The following FRMD5 variants were observed in gnomAD, a reference collection of about 807,000 sequenced individuals.
FRMD5 encodes FERM domain containing 5, also known as FERM domain-containing protein 5.
Under a neutral mutation model 69.0 loss-of-function variants are expected in FRMD5, and 20 were observed. That is an observed-to-expected ratio of 0.29 (90% CI 0.20 to 0.42). The LOEUF (loss-of-function observed/expected upper bound fraction) is 0.42. FRMD5 is among the 10% of genes least tolerant of loss of function. The pLI, the probability that FRMD5 is intolerant of heterozygous loss-of-function variation, is 1.00. For synonymous variants in FRMD5, 271 were observed against 260.1 expected, an observed-to-expected ratio of 1.04 and a Z score of -0.40; for missense variants, 595 against 708.6, an observed-to-expected ratio of 0.84 and a Z score of 1.82.
In FRMD5 at chr15:43,874,580, GC is replaced by G; in HGVS notation, c.1136-119del. On this transcript the variant is annotated intron_variant, in intron 13 of 13. Coordinates refer to ENST00000417257, the MANE Select transcript of FRMD5 (RefSeq NM_032892.5). ...CACACCCACATGACCAGCAGCAGTAGCCACTGCACTCTATTTTGATATATCG... is the reference window on the plus strand; with the variant it reads ...CACACCCACATGACCAGCAGCAGTAGCACTGCACTCTATTTTGATATATCG... 3 of 704,786 alleles carry G rather than the reference GC, an allele frequency of 4.3e-6. No homozygotes were observed. The South Asian group carries it at 5.0e-5, about 12-fold the overall frequency. 43.7% of individuals were successfully genotyped at this position (704,786 alleles called of 1,614,324 possible).
chr15:44,052,597 C>T (rs1028308965), intron 1 of FRMD5, among the ~76,000 whole-genome samples: 4 of 152,090 alleles, frequency 2.6e-5, no homozygotes, highest in African/African-American at 7.2e-5. Flanking sequence ...TGAGATAGTG[C>T]CTAGGAACAA....
rs570074822 is a variant in FRMD5, at chr15:43,939,016, C to A, written c.103-14707G>T. 5.7e-4 allele frequency among the ~76,000 whole-genome samples: 86 copies of A among 151,988 alleles called. 1 individual carries two copies. In the Middle Eastern group the frequency reaches 0.01, roughly 18 times the overall value. On this transcript the variant is annotated intron_variant, in intron 1 of 13. Transcript: ENST00000417257. ...AGCTGGGATTACAAGCATGCACCAC[C>A]ACATCCGGCTAATTTTTTTTTTTTT...
rs1171813241 is a variant in FRMD5, at chr15:44,175,749, T to C, written c.102+19204A>G. ...GGGTTAATAGATGAACAAATTGTGA[T>C]ACATCCATAAAATAGAATAGTACTC... On this transcript the variant is annotated intron_variant, in intron 1 of 13. Transcript: ENST00000417257. Among the ~76,000 whole-genome samples, 4 of 152,228 alleles carry C rather than the reference T, an allele frequency of 2.6e-5. No individual in the cohort carries two copies. The South Asian group carries it at 8.3e-4, about 32-fold the overall frequency.
intron 1 of FRMD5, among the ~76,000 whole-genome samples, chr15:44,160,896 C>A (rs1214012538): frequency 1.3e-5 from 2 of 152,108 alleles, no homozygotes; most frequent in East Asian, 3.8e-4. Flanking sequence ...CTTACTAGCC[C>A]TTTCATAAGA....
chr15:44,195,213 C>T lies in FRMD5; in HGVS notation c.-159G>A. Reference sequence around the variant, plus strand: ...TGCTGGCCTCGTTCCTCCTCCTTATCCTCCTCCTTCCCTCAGCCGCCACCG... The same window carrying T: ...TGCTGGCCTCGTTCCTCCTCCTTATTCTCCTCCTTCCCTCAGCCGCCACCG... On this transcript the variant is annotated 5_prime_UTR_variant, in exon 1 of 14. Coordinates refer to ENST00000417257, the MANE Select transcript of FRMD5 (RefSeq NM_032892.5). 1 of 561,322 alleles carries T rather than the reference C, an allele frequency of 1.8e-6. No homozygotes were observed. Among genetic ancestry groups the T allele is most frequent in the Non-Finnish European group, 3.1e-6 (1 of 324,872 alleles). The allele number at this position is 561,322 out of a possible 1,614,324, so 34.8% of individuals were successfully genotyped here.
intron 1 of FRMD5, among the ~76,000 whole-genome samples, chr15:44,135,075 A>G (rs893432181): frequency 6.6e-6 from 1 of 152,234 alleles, no homozygotes; most frequent in Non-Finnish European, 1.5e-5. Flanking sequence ...GGAGGCTACA[A>G]GTTCAGGACA....
chr15:44,079,892 C>T (rs912878304), intron 1 of FRMD5, among the ~76,000 whole-genome samples: 19 of 151,452 alleles, frequency 1.3e-4, no homozygotes, highest in Admixed American at 2.6e-4. Flanking sequence ...CACAAAAGGA[C>T]GAATATTGTA....
chr15:44,157,372 C>A (rs1004563788), intron 1 of FRMD5, among the ~76,000 whole-genome samples: 1 of 152,200 alleles, frequency 6.6e-6, no homozygotes, highest in Non-Finnish European at 1.5e-5. Flanking sequence ...ACATTAGGAA[C>A]TGGACCTTCA....
chr15:43,915,557 G>A (rs1357475472), intron 4 of FRMD5, among the ~76,000 whole-genome samples: 1 of 152,170 alleles, frequency 6.6e-6, no homozygotes, highest in Admixed American at 6.5e-5. Context: ...TCTTTCCAAA[G>A]AGTTCATACA....
intron 1 of FRMD5, among the ~76,000 whole-genome samples, chr15:43,968,451 G>A (rs2090328448): frequency 6.6e-6 from 1 of 152,086 alleles, no homozygotes; most frequent in African/African-American, 2.4e-5. Context: ...TTTCTCAGAA[G>A]AATTTCCTGG....
chr15:43,881,430 A>C (rs2088526893), intron 13 of FRMD5, among the ~76,000 whole-genome samples: 1 of 152,218 alleles, frequency 6.6e-6, no homozygotes, highest in Non-Finnish European at 1.5e-5. Context: ...GCTGTGTCTC[A>C]TGATGGTCAT....
chr15:44,154,148 C>G (rs1348539906), intron 1 of FRMD5, among the ~76,000 whole-genome samples: 1 of 152,162 alleles, frequency 6.6e-6, no homozygotes, highest in East Asian at 1.9e-4. Context: ...ATGGCAATTA[C>G]CCCATCTCTA....
intron 1 of FRMD5, among the ~76,000 whole-genome samples, chr15:43,947,762 T>C (rs1478741125): frequency 1.3e-5 from 2 of 152,114 alleles, no homozygotes; most frequent in Non-Finnish European, 2.9e-5. Context: ...ATAAATTCAA[T>C]CTCCCTTATT....
At chr15:44,121,864 G>A (rs561786553) in intron 1 of FRMD5, among the ~76,000 whole-genome samples, 2 of 151,382 alleles carry the variant, frequency 1.3e-5, no homozygotes, top group East Asian at 3.9e-4. Flanking sequence ...GCATGGTAGC[G>A]TGTGCCTGTA....
At chr15:44,174,275 T>C (rs560593750) in intron 1 of FRMD5, among the ~76,000 whole-genome samples, 8 of 152,264 alleles carry the variant, frequency 5.3e-5, no homozygotes, top group Non-Finnish European at 7.4e-5. Context: ...TGAATTTTTC[T>C]TATTAAAAAA....
chr15:44,107,177 T>C (rs916390114), intron 1 of FRMD5, among the ~76,000 whole-genome samples: 5 of 152,160 alleles, frequency 3.3e-5, no homozygotes, highest in East Asian at 1.9e-4. Context: ...AGAAGGTTGA[T>C]AGGCAAATGA....
chr15:43,895,520 G>A lies in FRMD5; in HGVS notation c.640-3451C>T, dbSNP rs575735819. 4.5e-4 allele frequency among the ~76,000 whole-genome samples: 69 copies of A among 152,378 alleles called. No homozygotes were observed. The South Asian group carries it at 0.013, about 28-fold the overall frequency. On this transcript the variant is annotated intron_variant, in intron 7 of 13. Transcript: ENST00000417257. The stretch of plus-strand genomic sequence containing the variant: ...AGAGGAGCACAGCCTCTCCTAACCA[G>A]ACTGGCTGCTTTAGAGCAGAGAGCT...
chr15:44,166,094 A>G (rs943189534), intron 1 of FRMD5, among the ~76,000 whole-genome samples: 3 of 152,180 alleles, frequency 2.0e-5, no homozygotes, highest in African/African-American at 7.2e-5. Context: ...GTATATTCTT[A>G]TCATTATTTT....
At chr15:43,880,034 A>G (rs2088480896) in intron 13 of FRMD5, among the ~76,000 whole-genome samples, 1 of 152,230 alleles carries the variant, frequency 6.6e-6, no homozygotes, top group South Asian at 2.1e-4. Context: ...GGCAAGGGAC[A>G]GAGGGGGCAG....
Sources: gnomAD v4.1 joint callset for allele counts (sites outside exome capture counted in the v4.1 genomes callset) on GRCh38, gnomAD v4.1.1 for gene constraint, MANE v1.5 for transcripts, NCBI Gene and HGNC (gene_info 2026-07-23, HGNC 2026-07-21) for gene names.